The following DLC1 variants were observed in gnomAD, a reference collection of about 807,000 sequenced individuals.
DLC1 encodes the protein DLC1 Rho GTPase activating protein, also known as rho GTPase-activating protein 7.
A neutral mutation model predicts 140.3 loss-of-function variants in DLC1; 54 were observed. That is an observed-to-expected ratio of 0.38 (90% CI 0.31 to 0.48). DLC1 has a LOEUF of 0.48. DLC1 is among the 20% of genes least tolerant of loss of function. The pLI is 0.96. For synonymous variants in DLC1, 986 were observed against 728.1 expected (o/e 1.35, Z -5.70); for missense variants, 2,536 against 1,907.0 (o/e 1.33, Z -6.14).
chr8:13,496,560 C>G (rs1232424547), intron 2 of DLC1, among the ~76,000 whole-genome samples: 1 of 147,484 alleles, frequency 6.8e-6, no homozygotes, highest in African/African-American at 2.5e-5. Context: ...ATATTACTAT[C>G]TACATTCATA....
At chr8:13,523,999 T>C (rs1802840078) in intron 1 of DLC1, among the ~76,000 whole-genome samples, 1 of 151,752 alleles carries the variant, frequency 6.6e-6, no homozygotes, top group Non-Finnish European at 1.5e-5. Context: ...AAGGGACTGA[T>C]TTCAGTTGGG....
At chr8:13,584,974 T>C (rs183143114) in intron 1 of DLC1, among the ~76,000 whole-genome samples, 16 of 152,276 alleles carry the variant, frequency 1.1e-4, no homozygotes, top group African/African-American at 3.1e-4. Context: ...GTACCCAAAC[T>C]GTGCAGTATA....
At chr8:13,438,676 C>T (rs1839231176) in intron 2 of DLC1, among the ~76,000 whole-genome samples, 1 of 152,136 alleles carries the variant, frequency 6.6e-6, no homozygotes, top group African/African-American at 2.4e-5. Context: ...CGAGGAAACG[C>T]CTCCCCTAAT....
chr8:13,552,105 A>G (rs1428043051), intron 1 of DLC1, among the ~76,000 whole-genome samples: 9 of 95,376 alleles, frequency 9.4e-5, no homozygotes, highest in African/African-American at 3.7e-4. Context: ...GTACCTGTCT[A>G]GAGGTGTATA....
chr8:13,336,023 T>C (rs1341385850), intron 4 of DLC1, among the ~76,000 whole-genome samples: 2 of 152,088 alleles, frequency 1.3e-5, no homozygotes, highest in African/African-American at 4.8e-5. Flanking sequence ...GTACTGGAAT[T>C]TTAACTGGGA....
At chr8:13,359,124 A>G (rs1311273987) in intron 4 of DLC1, among the ~76,000 whole-genome samples, 1 of 152,112 alleles carries the variant, frequency 6.6e-6, no homozygotes, top group Non-Finnish European at 1.5e-5. Flanking sequence ...TATTTTTAGT[A>G]GAGATGGGGT....
At chr8:13,483,200 C>G (rs1390273973) in intron 2 of DLC1, among the ~76,000 whole-genome samples, 1 of 152,176 alleles carries the variant, frequency 6.6e-6, no homozygotes, top group African/African-American at 2.4e-5. Flanking sequence ...TCTTCTGTCT[C>G]TTGTAAGGAC....
At chr8:13,553,870 T>C (rs953397718) in intron 1 of DLC1, among the ~76,000 whole-genome samples, 3 of 152,152 alleles carry the variant, frequency 2.0e-5, no homozygotes, top group African/African-American at 4.8e-5. Context: ...GGACATTTGA[T>C]ATATTTGAAC....
intron 4 of DLC1, among the ~76,000 whole-genome samples, chr8:13,333,173 T>G (rs570555335): frequency 5.3e-5 from 8 of 152,362 alleles, no homozygotes; most frequent in African/African-American, 1.4e-4. Flanking sequence ...ATTCCCTACC[T>G]ATCAATGTTA....
At chr8:13,359,953 A>G (rs1263698116) in intron 4 of DLC1, among the ~76,000 whole-genome samples, 1 of 152,198 alleles carries the variant, frequency 6.6e-6, no homozygotes, top group African/African-American at 2.4e-5. Context: ...GAAATGAGAC[A>G]CTTGTTAATA....
intron 4 of DLC1, among the ~76,000 whole-genome samples, chr8:13,330,009 G>T (rs1833521798): frequency 6.6e-6 from 1 of 151,992 alleles, no homozygotes; most frequent in Non-Finnish European, 1.5e-5. Context: ...CTGTTACCCA[G>T]GCTGGAGTGC....
At chr8:13,101,913 G>A (rs1819127376) in intron 8 of DLC1, among the ~76,000 whole-genome samples, 1 of 152,166 alleles carries the variant, frequency 6.6e-6, no homozygotes, top group Non-Finnish European at 1.5e-5. Context: ...TATGATACAT[G>A]TCTTTTCCAC....
intron 2 of DLC1, among the ~76,000 whole-genome samples, chr8:13,437,079 ACTT>A (rs549819696): frequency 1.6e-4 from 24 of 152,330 alleles, no homozygotes; most frequent in Non-Finnish European, 2.8e-4. Context: ...GGCCCAATGA[ACTT>A]CTACTTTCTC....
At position 13,329,093 on chromosome 8, in the gene DLC1, T is replaced by A. The variant is rs535078603; in HGVS notation, c.1315-23791A>T. ...ATCCAATTCATTATTTGAACAAATA[T>A]CACAGGAGCATCAACTCAGCTCTGG... On this transcript the variant is annotated intron_variant, in intron 4 of 17. Transcript: ENST00000276297. 3.2e-4 allele frequency among the ~76,000 whole-genome samples: 48 copies of A among 152,240 alleles called. 1 individual carries two copies. The highest frequency in any genetic ancestry group is 1.1e-3 in the African/African-American group (47 of 41,550).
chr8:13,231,620 C>T (rs1313203476), intron 5 of DLC1, among the ~76,000 whole-genome samples: 1 of 152,162 alleles, frequency 6.6e-6, no homozygotes, highest in East Asian at 1.9e-4. Flanking sequence ...TTGTGCATTG[C>T]AAGTCAAAGA....
chr8:13,343,728 C>T (rs1459371425), intron 4 of DLC1, among the ~76,000 whole-genome samples: 1 of 152,080 alleles, frequency 6.6e-6, no homozygotes, highest in Admixed American at 6.5e-5. Context: ...TACACTGGAT[C>T]GCCTCTTGGT....
chr8:13,143,353 T>G lies in DLC1; in HGVS notation c.1349-27696A>C, dbSNP rs555355952. ...ATCAAAAGGTGGAGTCAATGTCCCC[T>G]TCCCCTGAACCCAGGTGATGCTTTT... On this transcript the variant is annotated intron_variant, in intron 5 of 17. Transcript: ENST00000276297. Among the ~76,000 whole-genome samples, 5 of 152,212 alleles carry G rather than the reference T, an allele frequency of 3.3e-5. No individual in the cohort carries two copies. The South Asian group carries it at 8.3e-4, about 25-fold the overall frequency.
At chr8:13,101,013 C>A in intron 8 of DLC1, 1 of 416,312 alleles carries the variant, frequency 2.4e-6, no homozygotes, top group Non-Finnish European at 4.1e-6. Flanking sequence ...CCTGAGCCTC[C>A]CAAAGTGCTG....
intron 1 of DLC1, chr8:13,567,223 A>C (rs773922315): frequency 1.1e-5 from 17 of 1,551,466 alleles, no homozygotes; most frequent in Non-Finnish European, 1.3e-5. Flanking sequence ...GGACTATAAA[A>C]ATTATGAAAA....
Sources: allele counts gnomAD v4.1 joint callset (sites outside exome capture counted in the v4.1 genomes callset), GRCh38; gene constraint gnomAD v4.1.1; transcripts MANE v1.5; gene names NCBI Gene and HGNC (gene_info 2026-07-23, HGNC 2026-07-21).